Variants in COL27A1 observed in about 807,000 individuals in gnomAD.
COL27A1 encodes the protein collagen type XXVII alpha 1 chain.
In COL27A1, 106 loss-of-function variants were observed where a neutral mutation model predicts 251.3. The observed-to-expected ratio is 0.42, with a 90% confidence interval of 0.36 to 0.50. The LOEUF is 0.50. Ranked by LOEUF, COL27A1 falls within the 20% of genes least tolerant of loss-of-function variation. COL27A1 has a pLI of 0.00. For missense variants in COL27A1, 2,325 were observed against 2,522.8 expected (o/e 0.92, Z 1.68); for synonymous variants, 1,000 against 986.3 (o/e 1.01, Z -0.26).
chr9:114,231,187 C>T (rs1588712473), intron 15 of COL27A1, 55 bp downstream of exon 15: 1 of 1,500,256 alleles, frequency 6.7e-7, no homozygotes, highest in East Asian at 2.3e-5. Flanking sequence ...GCACCCCCGA[C>T]CCATTTCAGC....
At chr9:114,265,542 T>A (rs1588822546) in intron 32 of COL27A1, 67 bp downstream of exon 32, 2 of 1,511,076 alleles carry the variant, frequency 1.3e-6, no homozygotes, top group East Asian at 4.5e-5. Flanking sequence ...GGCCAGGTGG[T>A]CAGATAAGGA....
At chr9:114,242,517 G>T (rs754301623) in intron 22 of COL27A1, among the ~76,000 whole-genome samples, 1 of 152,234 alleles carries the variant, frequency 6.6e-6, no homozygotes, top group African/African-American at 2.4e-5. Flanking sequence ...AGAGGCAAAC[G>T]AGAGTGAAGG....
At chr9:114,235,101 A>G (rs948977098) in intron 16 of COL27A1, among the ~76,000 whole-genome samples, 5 of 150,216 alleles carry the variant, frequency 3.3e-5, no homozygotes, top group African/African-American at 5.0e-5. Context: ...AAAAAAAAAT[A>G]GACCAAAGCT....
At chr9:114,243,136 G>A (rs183324657) in intron 22 of COL27A1, among the ~76,000 whole-genome samples, 2 of 152,238 alleles carry the variant, frequency 1.3e-5, no homozygotes, top group African/African-American at 2.4e-5. Flanking sequence ...AAGGGCCTCC[G>A]GGACCCCTGT....
chr9:114,185,815 C>T (rs192133143), intron 5 of COL27A1, among the ~76,000 whole-genome samples: 5 of 152,370 alleles, frequency 3.3e-5, no homozygotes, highest in South Asian at 2.1e-4. Flanking sequence ...CCTGGGGGCA[C>T]GGAACTGGAT....
At chr9:114,206,432 G>T in intron 10 of COL27A1, 136 bp downstream of exon 10, 1 of 859,038 alleles carries the variant, frequency 1.2e-6, no homozygotes, top group Non-Finnish European at 1.9e-6. Context: ...GGACAACAGA[G>T]GGGCAGCAGG....
intron 28 of COL27A1, among the ~76,000 whole-genome samples, chr9:114,261,817 C>T (rs1035006816): frequency 6.6e-5 from 10 of 152,228 alleles, no homozygotes; most frequent in South Asian, 4.1e-4. Context: ...CATTTCCTAG[C>T]TGTGTGACCA....
intron 1 of COL27A1, among the ~76,000 whole-genome samples, chr9:114,161,515 C>G (rs1042591106): frequency 2.6e-5 from 4 of 152,180 alleles, no homozygotes; most frequent in Non-Finnish European, 4.4e-5. Context: ...CCCAGGGAGT[C>G]TGGGAAGAAC....
intron 25 of COL27A1, among the ~76,000 whole-genome samples, chr9:114,252,052 G>T (rs1261004956): frequency 6.6e-6 from 1 of 152,188 alleles, no homozygotes; most frequent in African/African-American, 2.4e-5. Flanking sequence ...GCCAAGATTC[G>T]AACCCAGAGC....
At position 114,250,695 on chromosome 9, in the gene COL27A1, A is replaced by C. The variant is rs189519713; in HGVS notation, c.3033+27A>C. On this transcript the variant is annotated intron_variant, in intron 25 of 60. Coordinates refer to ENST00000356083, the MANE Select transcript of COL27A1 (RefSeq NM_032888.4). ...TAAGTGGTGTTGAGGGGAAAAGATA[A>C]ACAATTAGAGCTTGTGTTTTGAAAT... 119 of 1,603,626 alleles carry C rather than the reference A, an allele frequency of 7.4e-5. No individual in the cohort carries two copies. In the Admixed American group the frequency reaches 1.9e-3, roughly 25 times the overall value.
At position 114,309,491 on chromosome 9, in the gene COL27A1, G is replaced by GC; in HGVS notation, c.5436+17dup. On this transcript the variant is annotated intron_variant, in intron 60 of 60. Transcript: ENST00000356083. ...GGATGGCTGCAAGGTAACTCTCAGA[G>GC]CCCCTCCTAGGCCCTTCATGTGGGG... is the stretch of plus-strand genomic sequence containing the variant. The GC allele has an allele frequency of 6.2e-7, 1 of 1,607,578 alleles. No homozygotes were observed.
intron 36 of COL27A1, chr9:114,271,837 C>T (rs190003689): frequency 2.0e-5 from 3 of 152,404 alleles, no homozygotes; most frequent in Admixed American, 6.5e-5. Flanking sequence ...CCTCAGTTTC[C>T]CCATCCACAG....
At position 114,168,817 on chromosome 9, in the gene COL27A1, C is replaced by G. The variant is rs1472526673; in HGVS notation, c.1262C>G (p.Pro421Arg). ...SRPVPARVSR[P>R]AEKPIQRNPG... is the part of the protein sequence containing the mutation. Reference sequence around the variant, plus strand: ...CCAGTTCCTGCCAGAGTCTCCCGTCCCGCAGAGAAGCCCATCCAGAGGAAC... The same window carrying G: ...CCAGTTCCTGCCAGAGTCTCCCGTCGCGCAGAGAAGCCCATCCAGAGGAAC... Residue 421 changes from proline to arginine, a missense_variant, in exon 3 of 61, where the codon CCC becomes CGC. Physicochemically the swap from Pro to Arg is moderately radical, Grantham distance 103. Transcript: ENST00000356083. The G allele has an allele frequency of 1.2e-6, 2 of 1,614,046 alleles. No individual in the cohort carries two copies. Among genetic ancestry groups the G allele is most frequent in the South Asian group, 2.2e-5 (2 of 91,080 alleles).
chr9:114,276,307 G>A (rs536376423), intron 37 of COL27A1, among the ~76,000 whole-genome samples: 164 of 152,198 alleles, frequency 1.1e-3, no homozygotes, highest in Middle Eastern at 3.4e-3. Context: ...CTTCATTTAC[G>A]TCTTTAACAG....
In COL27A1 at chr9:114,206,218, A is replaced by G. The variant is rs772356459; in HGVS notation, c.2224-34A>G. On this transcript the variant is annotated intron_variant, in intron 9 of 60. Coordinates refer to ENST00000356083, the MANE Select transcript of COL27A1 (RefSeq NM_032888.4). ...GATTGGCAGCAGGTAGAGCGTCTCC[A>G]TATGTCCTTGCCCCTCTGTGTTTTG... 3 of 1,611,278 alleles carry G rather than the reference A, an allele frequency of 1.9e-6. No individual in the cohort carries two copies. The African/African-American group carries it at 4.0e-5, about 22-fold the overall frequency.
At chr9:114,306,260 T>G (rs1829037710) in intron 57 of COL27A1, 1 of 397,936 alleles carries the variant, frequency 2.5e-6, no homozygotes, top group Non-Finnish European at 4.6e-6. Flanking sequence ...CACGGGGCTC[T>G]GCCTGTCCCA....
At chr9:114,164,056 A>G (rs1271372710) in intron 2 of COL27A1, among the ~76,000 whole-genome samples, 1 of 152,166 alleles carries the variant, frequency 6.6e-6, no homozygotes, top group African/African-American at 2.4e-5. Context: ...CCCCAGGCAG[A>G]ATAGCATCAT....
At chr9:114,297,516 G>T (rs970327975) in intron 49 of COL27A1, among the ~76,000 whole-genome samples, 1 of 152,142 alleles carries the variant, frequency 6.6e-6, no homozygotes, top group South Asian at 2.1e-4. Context: ...TGCAAAGCTG[G>T]TTCAACTGTT....
rs773893254 is a variant in COL27A1 at position 114,300,699 on chromosome 9, C to G, written c.4701+12C>G. 2 of 1,495,806 alleles carry G rather than the reference C, an allele frequency of 1.3e-6. No individual in the cohort carries two copies. The highest frequency in any genetic ancestry group is 2.7e-5 in the South Asian group (2 of 73,164). The allele number at this position is 1,495,806 out of a possible 1,614,324, so 92.7% of individuals were successfully genotyped here. A position where few individuals can be genotyped will look rare whatever the true frequency, so the allele number is the denominator to read the frequency against. The stretch of plus-strand genomic sequence containing the variant: ...CACCTGGCTTGATGGTGAGTTCCCT[C>G]CCTGCTGTCGGAGCAGAGATGATTG... On this transcript the variant is annotated intron_variant, in intron 51 of 60. Transcript: ENST00000356083.
Sources: allele counts gnomAD v4.1 joint callset (sites outside exome capture counted in the v4.1 genomes callset), GRCh38; gene constraint gnomAD v4.1.1; transcripts MANE v1.5; gene names NCBI Gene and HGNC (gene_info 2026-07-23, HGNC 2026-07-21).